HOGA1: variants seen among roughly 807,000 people sequenced by gnomAD.
The protein encoded by HOGA1 is 4-hydroxy-2-oxoglutarate aldolase 1.
A neutral mutation model predicts 34.3 loss-of-function variants in HOGA1; 30 were observed. That is an observed-to-expected ratio of 0.87 (90% CI 0.65 to 1.19). The LOEUF is 1.19. HOGA1 is among the 50% of genes most tolerant of loss of function. The probability of loss-of-function intolerance (pLI) is 0.00; values close to 1 mark genes in which losing one functional copy is unlikely to be tolerated. For synonymous variants in HOGA1, 161 were observed against 174.0 expected (o/e 0.93, Z 0.59); for missense variants, 417 against 436.5 (o/e 0.96, Z 0.40).
intron 1 of HOGA1, among the ~76,000 whole-genome samples, chr10:97,589,105 C>T (rs1198539117): frequency 2.6e-5 from 4 of 152,038 alleles, no homozygotes; most frequent in East Asian, 1.9e-4. Context: ...GATCTAGACC[C>T]GATGAAGTCT....
At chr10:97,589,812 T>C in intron 1 of HOGA1, 2 of 1,010,038 alleles carry the variant, frequency 2.0e-6, no homozygotes, top group Non-Finnish European at 3.0e-6. Context: ...TGGTGTAGGG[T>C]CCTGGAGACC....
chr10:97,600,721 GAGA>G (rs2041109371), intron 5 of HOGA1: 1 of 169,778 alleles, frequency 5.9e-6, no homozygotes, highest in African/African-American at 2.4e-5. Context: ...GGAGGGAAGG[GAGA>G]AGAAGGGAAG....
intron 1 of HOGA1, chr10:97,590,873 G>T: frequency 2.2e-6 from 1 of 462,234 alleles, no homozygotes; most frequent in Non-Finnish European, 4.0e-6. Context: ...ATGGGAGCAG[G>T]CAAGAGCCCC....
At chr10:97,592,214 T>G (rs570216608) in intron 1 of HOGA1, among the ~76,000 whole-genome samples, 8 of 150,794 alleles carry the variant, frequency 5.3e-5, no homozygotes, top group African/African-American at 2.0e-4. Flanking sequence ...GGAGGCTGGG[T>G]GAAGGATGTA....
intron 6 of HOGA1, among the ~76,000 whole-genome samples, chr10:97,609,707 G>A (rs1014783089): frequency 2.0e-5 from 3 of 152,180 alleles, no homozygotes; most frequent in African/African-American, 7.2e-5. Context: ...TTGAAGAGGG[G>A]CCACATCAGA....
chr10:97,591,505 T>C (rs746339816), intron 1 of HOGA1, among the ~76,000 whole-genome samples: 4 of 152,204 alleles, frequency 2.6e-5, no homozygotes, highest in Non-Finnish European at 5.9e-5. Flanking sequence ...ACGTGTGCCA[T>C]GGTGGTTTGC....
chr10:97,604,049 C>T (rs1256689645), intron 6 of HOGA1, among the ~76,000 whole-genome samples: 1 of 152,202 alleles, frequency 6.6e-6, no homozygotes, highest in Admixed American at 6.5e-5. Context: ...ACAAGGATCC[C>T]TCATGTCATC....
chr10:97,606,128 C>CAAAAA (rs60230634), intron 6 of HOGA1, among the ~76,000 whole-genome samples: 8 of 95,212 alleles, frequency 8.4e-5, no homozygotes, highest in African/African-American at 2.5e-4. Context: ...ACTAAAAATA[C>CAAAAA]AAAAAAAAAA....
In HOGA1 at chr10:97,601,834, G is replaced by A. The variant is rs1225203580; in HGVS notation, c.701-23G>A. On this transcript the variant is annotated intron_variant, in intron 5 of 6. Transcript: ENST00000370646. ...CTGGAGGGGAGAGGCTCTGGCTGAT[G>A]TTCTGCGTCTTACTTCGTGCAGGAG... is the stretch of plus-strand genomic sequence containing the variant. 5 of 1,611,742 alleles carry A rather than the reference G, an allele frequency of 3.1e-6. No homozygotes were observed. In the South Asian group the frequency reaches 5.5e-5, roughly 18 times the overall value.
At chr10:97,602,040 T>A (rs1428920544) in intron 6 of HOGA1, 50 bp downstream of exon 6, 2 of 1,577,182 alleles carry the variant, frequency 1.3e-6, no homozygotes, top group East Asian at 2.3e-5. Context: ...GGGCAGTCTG[T>A]GTCCTCATTG....
At chr10:97,611,014 T>G (rs1161820873) in intron 6 of HOGA1, among the ~76,000 whole-genome samples, 1 of 152,172 alleles carries the variant, frequency 6.6e-6, no homozygotes, top group African/African-American at 2.4e-5. Context: ...CATTTAGTGT[T>G]AGGGTCAGGA....
At position 97,584,913 on chromosome 10, in the gene HOGA1, A is replaced by G; in HGVS notation, c.210A>G (p.Arg70=). ...NLHKLGTFPF[R]GFVVQGSNGE... is the part of the protein sequence containing the mutation. ...ACAAACTGGGCACCTTCCCCTTCCGAGGTAAGTGGGGCTGTCCTCTGTGGG... is the reference window on the plus strand; with the variant it reads ...ACAAACTGGGCACCTTCCCCTTCCGGGGTAAGTGGGGCTGTCCTCTGTGGG... The change falls in exon 1 of 7, where the codon CGA becomes CGG. Residue 70 remains arginine (R), a splice_region_variant and synonymous_variant. Transcript: ENST00000370646. 7.4e-6 allele frequency: 12 copies of G among 1,613,674 alleles called. No homozygotes were observed. Among genetic ancestry groups the G allele is most frequent in the Non-Finnish European group, 1.0e-5 (12 of 1,179,780 alleles).
In HOGA1 at chr10:97,611,817, G is replaced by A. The variant is rs2041198632; in HGVS notation, c.*158G>A. On this transcript the variant is annotated 3_prime_UTR_variant, in exon 7 of 7. Transcript: ENST00000370646. ...TGGTCCTCCAGGCAGCCTTTCACAG[G>A]CACGCCCATGCATATCTCCTATTCT... is the stretch of plus-strand genomic sequence containing the variant. The A allele has an allele frequency of 2.6e-6, 2 of 755,128 alleles. No homozygotes were observed. The highest frequency in any genetic ancestry group is 1.7e-5 in the African/African-American group (1 of 57,778). The allele number at this position is 755,128 out of a possible 1,614,324, so 46.8% of individuals were successfully genotyped here.
chr10:97,610,858 T>C (rs1229240550), intron 6 of HOGA1, among the ~76,000 whole-genome samples: 2 of 152,176 alleles, frequency 1.3e-5, no homozygotes, highest in East Asian at 3.8e-4. Context: ...GGTCCCCCAT[T>C]ATCAGGGAAA....
rs145450971 is a variant in HOGA1, at chr10:97,590,453, C to T, written c.211+5539C>T. 8.8e-4 allele frequency: 1,428 copies of T among 1,613,714 alleles called. 1 individual carries two copies. Among genetic ancestry groups the T allele is most frequent in the Admixed American group, 1.2e-3 (74 of 60,006 alleles). Reference sequence around the variant, plus strand: ...GCTGCAAAAGAATTTCCTCACCCAGCGGGAAAACACCATAGCTGGTGCCAA... The same window carrying T: ...GCTGCAAAAGAATTTCCTCACCCAGTGGGAAAACACCATAGCTGGTGCCAA... On this transcript the variant is annotated intron_variant, in intron 1 of 6. Transcript: ENST00000370646.
In HOGA1 at chr10:97,606,302, G is replaced by GA. The variant is rs796388342; in HGVS notation, c.834+4325dup. ...GGAGACAGTGAGACTCCATCTCAGG[G>GA]AAAAAAAAAAAAATCTTGAAGAGTT... On this transcript the variant is annotated intron_variant, in intron 6 of 6. Coordinates refer to ENST00000370646, the MANE Select transcript of HOGA1 (RefSeq NM_138413.4). Among the ~76,000 whole-genome samples, 1,143 of 142,022 alleles carry GA rather than the reference G, an allele frequency of 8.0e-3. 14 individuals carry two copies. The highest frequency in any genetic ancestry group is 0.024 in the African/African-American group (947 of 38,968). 93.2% of individuals were successfully genotyped at this position (142,022 alleles called of 152,430 possible).
Position 97,598,829 on chromosome 10 carries a change from G to T in HOGA1, c.266G>T (p.Arg89Leu). The T allele has an allele frequency of 6.2e-7, 1 of 1,614,166 alleles. No homozygotes were observed. The highest frequency in any genetic ancestry group is 2.2e-5 in the East Asian group (1 of 44,886). Reference protein sequence around the residue: ...GEFPFLTSSERLEVVSRVRQA... With the variant: ...GEFPFLTSSELLEVVSRVRQA... ...TTTCCTTTCCTGACCAGCAGTGAGC[G>T]CCTCGAGGTGGTGAGCCGTGTGCGC... The change falls in exon 2 of 7, where the codon CGC (arginine) becomes CTC (leucine). Residue 89 changes from arginine to leucine, a missense_variant. By Grantham distance (102) the Arg-to-Leu change is moderately radical. Coordinates refer to ENST00000370646, the MANE Select transcript of HOGA1 (RefSeq NM_138413.4).
intron 1 of HOGA1, among the ~76,000 whole-genome samples, chr10:97,597,200 T>C (rs2041078223): frequency 6.6e-6 from 1 of 151,710 alleles, no homozygotes. Flanking sequence ...CAAATGCACC[T>C]GGTTTATTTA....
rs1161148976 is a variant in HOGA1, at chr10:97,596,750, T to C, written c.212-2025T>C. On this transcript the variant is annotated intron_variant, in intron 1 of 6. Coordinates refer to ENST00000370646, the MANE Select transcript of HOGA1 (RefSeq NM_138413.4). ...AAGCAGCTAAATATCCAATGAGAGA[T>C]ATCCTGATATCCTGGCAACTCACTC... 3.4e-5 allele frequency among the ~76,000 whole-genome samples: 5 copies of C among 146,300 alleles called. No homozygotes were observed. The South Asian group carries it at 8.7e-4, about 25-fold the overall frequency.
Sources: gnomAD v4.1 joint callset for allele counts (sites outside exome capture counted in the v4.1 genomes callset) on GRCh38, gnomAD v4.1.1 for gene constraint, MANE v1.5 for transcripts, NCBI Gene and HGNC (gene_info 2026-07-23, HGNC 2026-07-21) for gene names.